The following CNTNAP2 variants were observed in gnomAD, a reference collection of about 807,000 sequenced individuals.
CNTNAP2 encodes the protein contactin-associated protein-like 2.
CNTNAP2 carries 98 observed loss-of-function variants against 155.2 expected under a neutral mutation model. The observed-to-expected ratio is 0.63, with a 90% confidence interval of 0.54 to 0.75. The LOEUF (loss-of-function observed/expected upper bound fraction) is 0.75, where lower values mean the gene tolerates loss of function less well. Ranked by LOEUF, CNTNAP2 falls within the 30% of genes least tolerant of loss-of-function variation. CNTNAP2 has a pLI of 0.00. For synonymous variants in CNTNAP2, 651 were observed against 631.2 expected, an observed-to-expected ratio of 1.03 and a Z score of -0.47; for missense variants, 1,727 against 1,688.1, an observed-to-expected ratio of 1.02 and a Z score of -0.40.
intron 5 of CNTNAP2, among the ~76,000 whole-genome samples, chr7:147,116,620 G>T (rs1800995776): frequency 6.6e-6 from 1 of 152,090 alleles, no homozygotes; most frequent in Admixed American, 6.5e-5. Context: ...GTGAGGAACT[G>T]CCTCTGCCCC....
At chr7:147,402,277 G>A (rs1043853746) in intron 10 of CNTNAP2, among the ~76,000 whole-genome samples, 1 of 152,104 alleles carries the variant, frequency 6.6e-6, no homozygotes, top group Non-Finnish European at 1.5e-5. Context: ...CACCACAGGG[G>A]TGGGATCTGT....
Position 146,162,963 on chromosome 7 carries a change from C to T in CNTNAP2, c.97+45990C>T, listed in dbSNP as rs139716905. Among the ~76,000 whole-genome samples, 798 of 152,130 alleles carry T rather than the reference C, an allele frequency of 5.2e-3. 6 individuals carry two copies. Among genetic ancestry groups the T allele is most frequent in the African/African-American group, 0.018 (755 of 41,502 alleles). ...ATAGGTGGGAATTGAACAATGAGAA[C>T]ACTTGGACACAGGGTGGGGAACATC... On this transcript the variant is annotated intron_variant, in intron 1 of 23. Transcript: ENST00000361727.
intron 3 of CNTNAP2, among the ~76,000 whole-genome samples, chr7:146,914,366 T>A (rs907570385): frequency 1.3e-5 from 2 of 152,100 alleles, no homozygotes; most frequent in African/African-American, 4.8e-5. Flanking sequence ...TTAAGGAATC[T>A]CCACACTGTT....
chr7:146,215,949 T>C (rs939965383), intron 1 of CNTNAP2, among the ~76,000 whole-genome samples: 2 of 152,176 alleles, frequency 1.3e-5, no homozygotes, highest in African/African-American at 4.8e-5. Context: ...ATACAAGTGG[T>C]TTATTTGTGA....
intron 13 of CNTNAP2, among the ~76,000 whole-genome samples, chr7:147,754,012 C>G (rs10952713): frequency 0.88 from 134,489 of 152,152 alleles, 61,584 homozygotes; most frequent in Non-Finnish European, 0.99. Context: ...CCCTGCAGCC[C>G]TAAGTACCAC....
intron 9 of CNTNAP2, among the ~76,000 whole-genome samples, chr7:147,339,138 TTTG>T (rs139386321): frequency 0.02 from 3,061 of 152,230 alleles, 103 homozygotes; most frequent in African/African-American, 0.07. Flanking sequence ...AGTTATATTA[TTTG>T]TTATTTATAA....
rs139954299 is a variant in CNTNAP2, at chr7:147,369,790, G to A, written c.1499-25819G>A. ...CTCAACTTTCACCTGGATTAATATTGCAGCATATCTCTAATTGGTCTTCCA... is the reference window on the plus strand; with the variant it reads ...CTCAACTTTCACCTGGATTAATATTACAGCATATCTCTAATTGGTCTTCCA... On this transcript the variant is annotated intron_variant, in intron 9 of 23. Coordinates refer to ENST00000361727, the MANE Select transcript of CNTNAP2 (RefSeq NM_014141.6). Among the ~76,000 whole-genome samples, 522 of 152,272 alleles carry A rather than the reference G, an allele frequency of 3.4e-3. 5 individuals carry two copies. Among genetic ancestry groups the A allele is most frequent in the African/African-American group, 0.012 (488 of 41,550 alleles).
At chr7:148,131,087 CTTTTT>C (rs755587892) in intron 16 of CNTNAP2, among the ~76,000 whole-genome samples, 3 of 97,178 alleles carry the variant, frequency 3.1e-5, no homozygotes, top group African/African-American at 4.3e-5. Flanking sequence ...TTTTCTTCTT[CTTTTT>C]TTTTTTTTTT....
intron 21 of CNTNAP2, among the ~76,000 whole-genome samples, chr7:148,310,950 A>G (rs960041221): frequency 2.0e-5 from 3 of 152,184 alleles, no homozygotes; most frequent in African/African-American, 7.2e-5. Flanking sequence ...ATAAGTAAAC[A>G]AGAAGAGGGC....
chr7:146,179,374 A>G (rs759749481), intron 1 of CNTNAP2, among the ~76,000 whole-genome samples: 1 of 146,146 alleles, frequency 6.8e-6, no homozygotes, highest in Non-Finnish European at 1.5e-5. Flanking sequence ...AGCCAAGACT[A>G]TCTGATATTT....
At chr7:146,239,347 AAGCAAAGTTTTTCATTCCAC>A (rs1379124025) in intron 1 of CNTNAP2, among the ~76,000 whole-genome samples, 1 of 152,284 alleles carries the variant, frequency 6.6e-6, no homozygotes, top group African/African-American at 2.4e-5. Flanking sequence ...CGTGGATAAA[AAGCAAAGTTTTTCATTCCAC>A]AGCAAAATAT....
chr7:147,385,688 C>A (rs902231971), intron 9 of CNTNAP2, among the ~76,000 whole-genome samples: 3 of 152,212 alleles, frequency 2.0e-5, no homozygotes, highest in Non-Finnish European at 4.4e-5. Flanking sequence ...GTATAGCCCC[C>A]TTCCTGGCTG....
intron 1 of CNTNAP2, among the ~76,000 whole-genome samples, chr7:146,194,263 TA>T (rs1383904477): frequency 2.6e-5 from 4 of 152,138 alleles, no homozygotes; most frequent in Non-Finnish European, 4.4e-5. Flanking sequence ...CTCACATTGC[TA>T]AAAAAGACAT....
chr7:147,220,991 C>T (rs1450026283), intron 8 of CNTNAP2, among the ~76,000 whole-genome samples: 5 of 152,076 alleles, frequency 3.3e-5, no homozygotes, highest in African/African-American at 4.8e-5. Flanking sequence ...GGATTACAGG[C>T]GTGATCCACC....
intron 12 of CNTNAP2, among the ~76,000 whole-genome samples, chr7:147,620,348 AC>A (rs1801369634): frequency 6.6e-6 from 1 of 152,220 alleles, no homozygotes; most frequent in Non-Finnish European, 1.5e-5. Flanking sequence ...GGTACCAGGA[AC>A]CAATCCTAGT....
chr7:146,343,054 C>G lies in CNTNAP2; in HGVS notation c.97+226081C>G, dbSNP rs145869606. On this transcript the variant is annotated intron_variant, in intron 1 of 23. Transcript: ENST00000361727. Reference sequence around the variant, plus strand: ...CTTTCCATTTTTTCTGTTTTTCAAACGTTACTGTGTTTGGTAAAGAAGGTT... The same window carrying G: ...CTTTCCATTTTTTCTGTTTTTCAAAGGTTACTGTGTTTGGTAAAGAAGGTT... Among the ~76,000 whole-genome samples, 531 of 151,992 alleles carry G rather than the reference C, an allele frequency of 3.5e-3. 4 individuals carry two copies. The highest frequency in any genetic ancestry group is 0.012 in the African/African-American group (512 of 41,478).
intron 1 of CNTNAP2, among the ~76,000 whole-genome samples, chr7:146,195,357 T>C (rs1226411441): frequency 6.6e-6 from 1 of 152,006 alleles, no homozygotes; most frequent in Non-Finnish European, 1.5e-5. Flanking sequence ...AGAAAGAAAA[T>C]GAGAAGAGGA....
At chr7:146,802,828 A>T (rs1357930163) in intron 2 of CNTNAP2, among the ~76,000 whole-genome samples, 7 of 152,188 alleles carry the variant, frequency 4.6e-5, no homozygotes, top group Non-Finnish European at 1.0e-4. Context: ...TTTCTCTATC[A>T]TAAGGTCAAT....
chr7:146,575,201 C>A (rs942765457), intron 1 of CNTNAP2, among the ~76,000 whole-genome samples: 5 of 152,312 alleles, frequency 3.3e-5, no homozygotes, highest in East Asian at 1.9e-4. Flanking sequence ...ACTGCAACCT[C>A]TGCCTCCTGG....
Sources: gnomAD v4.1 joint callset for allele counts (sites outside exome capture counted in the v4.1 genomes callset) on GRCh38, gnomAD v4.1.1 for gene constraint, MANE v1.5 for transcripts, NCBI Gene and HGNC (gene_info 2026-07-23, HGNC 2026-07-21) for gene names.